CSTF3: variants seen among roughly 807,000 people sequenced by gnomAD.
CSTF3 encodes the protein CF-1 77 kDa subunit.
CSTF3 carries 29 observed loss-of-function variants against 105.8 expected under a neutral mutation model. The ratio of observed to expected loss-of-function variants is 0.27; its 90% CI spans 0.20 to 0.37. CSTF3 has a LOEUF of 0.37. Among genes scored for constraint, CSTF3 ranks in the 10% least tolerant of loss-of-function variants. The pLI, the probability that CSTF3 is intolerant of heterozygous loss-of-function variation, is 1.00. For synonymous variants in CSTF3, 252 were observed against 281.9 expected (o/e 0.89, Z 1.06); for missense variants, 357 against 879.3 (o/e 0.41, Z 7.51).
intron 3 of CSTF3, among the ~76,000 whole-genome samples, chr11:33,128,054 T>C (rs1456364538): frequency 6.6e-6 from 1 of 152,206 alleles, no homozygotes; most frequent in Non-Finnish European, 1.5e-5. Context: ...AAACTGTATG[T>C]CATTGGATAA....
chr11:33,108,070 C>T (rs1286714849), intron 4 of CSTF3, 70 bp from the exon 5 acceptor site: 8 of 926,774 alleles, frequency 8.6e-6, no homozygotes, highest in African/African-American at 3.4e-5. Flanking sequence ...TGAAATGGAA[C>T]ATTAAAAACA....
intron 3 of CSTF3, among the ~76,000 whole-genome samples, chr11:33,121,060 AT>A (rs1358916963): frequency 6.6e-6 from 1 of 152,014 alleles, no homozygotes; most frequent in Non-Finnish European, 1.5e-5. Flanking sequence ...AATCAATTCC[AT>A]TTTCCATTAC....
intron 1 of CSTF3, among the ~76,000 whole-genome samples, chr11:33,152,293 C>A (rs111939881): frequency 2.0e-4 from 31 of 151,992 alleles, no homozygotes; most frequent in African/African-American, 7.2e-4. Flanking sequence ...AAAAACTGGA[C>A]GTATTATTAT....
chr11:33,142,479 T>C (rs1471435670), intron 1 of CSTF3, among the ~76,000 whole-genome samples: 1 of 152,232 alleles, frequency 6.6e-6, no homozygotes, highest in East Asian at 1.9e-4. Context: ...GGGACGATTG[T>C]ATTTGTAATC....
At chr11:33,095,704 C>T (rs1189741000) in intron 15 of CSTF3, among the ~76,000 whole-genome samples, 1 of 151,056 alleles carries the variant, frequency 6.6e-6, no homozygotes, top group Non-Finnish European at 1.5e-5. Flanking sequence ...GCCTGTAGTC[C>T]CAGCTACTCC....
intron 3 of CSTF3, among the ~76,000 whole-genome samples, chr11:33,116,187 A>G (rs1465218471): frequency 1.3e-5 from 2 of 152,196 alleles, no homozygotes; most frequent in Non-Finnish European, 2.9e-5. Context: ...TCCTTGTACT[A>G]ACCATTAGGT....
intron 1 of CSTF3, among the ~76,000 whole-genome samples, chr11:33,160,488 G>T (rs1383915344): frequency 6.6e-6 from 1 of 152,152 alleles, no homozygotes; most frequent in African/African-American, 2.4e-5. Flanking sequence ...CCAGGACTTA[G>T]ATCGAAAAAC....
At chr11:33,121,898 A>G (rs1855493441) in intron 3 of CSTF3, among the ~76,000 whole-genome samples, 1 of 152,206 alleles carries the variant, frequency 6.6e-6, no homozygotes, top group South Asian at 2.1e-4. Flanking sequence ...AAAAGCTGTG[A>G]CATGTAAGAA....
At chr11:33,123,834 CT>C (rs1456181088) in intron 3 of CSTF3, among the ~76,000 whole-genome samples, 4 of 152,004 alleles carry the variant, frequency 2.6e-5, no homozygotes, top group Non-Finnish European at 5.9e-5. Context: ...GGGTAGGTGA[CT>C]TTTCACTGTA....
chr11:33,151,663 G>A (rs1855862219), intron 1 of CSTF3, among the ~76,000 whole-genome samples: 1 of 152,142 alleles, frequency 6.6e-6, no homozygotes, highest in African/African-American at 2.4e-5. Context: ...GAACATTAGT[G>A]TGTAAGATTT....
At chr11:33,108,822 C>T (rs1855351729) in intron 3 of CSTF3, among the ~76,000 whole-genome samples, 1 of 152,150 alleles carries the variant, frequency 6.6e-6, no homozygotes, top group Non-Finnish European at 1.5e-5. Flanking sequence ...ATTTGGACTA[C>T]ATATAAACAT....
chr11:33,122,914 C>CAAAAAAAAAAAAAAAAAAAAAAAA (rs10600978), intron 3 of CSTF3, among the ~76,000 whole-genome samples: 2 of 83,806 alleles, frequency 2.4e-5, no homozygotes, highest in Non-Finnish European at 4.4e-5. Flanking sequence ...TATCCTGTCT[C>CAAAAAAAAAAAAAAAAAAAAAAAA]AAAAAAAAAA....
chr11:33,096,872 T>C lies in CSTF3; in HGVS notation c.1235A>G (p.Tyr412Cys). The C allele has an allele frequency of 6.2e-7, 1 of 1,613,826 alleles. No homozygotes were observed. The highest frequency in any genetic ancestry group is 8.5e-7 in the Non-Finnish European group (1 of 1,179,814). Residue 412 changes from tyrosine to cysteine, a missense_variant, in exon 14 of 21, where the codon TAT (tyrosine) becomes TGT (cysteine). This residue lies in a region of CSTF3 where 206 missense variants were observed against 576.5 expected (regional missense o/e 0.36). Coordinates refer to ENST00000323959, the MANE Select transcript of CSTF3 (RefSeq NM_001326.3). ...REDTRTRHHVYVTAALMEYYC... is the reference protein window; with the variant it reads ...REDTRTRHHVCVTAALMEYYC... ...ATATTCCATGAGTGCTGCAGTAACA[T>C]AGACATGGTGGCGGGTTCTGGTATC...
intron 1 of CSTF3, among the ~76,000 whole-genome samples, chr11:33,160,912 A>G (rs992252513): frequency 6.6e-6 from 1 of 152,214 alleles, no homozygotes; most frequent in African/African-American, 2.4e-5. Context: ...TTCTGGGTAC[A>G]GTATATTTGG....
In CSTF3 at chr11:33,099,779, A is replaced by G; in HGVS notation, c.827-62T>C. 1.9e-6 allele frequency: 2 copies of G among 1,076,782 alleles called. No individual in the cohort carries two copies. The highest frequency in any genetic ancestry group is 2.6e-6 in the Non-Finnish European group (2 of 758,080). The allele number at this position is 1,076,782 out of a possible 1,614,324, so 66.7% of individuals were successfully genotyped here. On this transcript the variant is annotated intron_variant, in intron 10 of 20. Coordinates refer to ENST00000323959, the MANE Select transcript of CSTF3 (RefSeq NM_001326.3). This position sits in a 1 kb window ranked among gnomAD's most constrained non-coding sequence, Gnocchi z 4.1. ...ATAATTATTATTTGTAAAACTATCA[A>G]TGTAAATATCATAACCAAATTAGGC...
chr11:33,120,382 GTTTT>G (rs572124367), intron 3 of CSTF3, among the ~76,000 whole-genome samples: 1 of 151,686 alleles, frequency 6.6e-6, no homozygotes, highest in Non-Finnish European at 1.5e-5. Flanking sequence ...CTCCATTAGA[GTTTT>G]TTTCTTATAA....
chr11:33,129,606 C>T (rs1855578704), intron 3 of CSTF3, among the ~76,000 whole-genome samples: 3 of 152,146 alleles, frequency 2.0e-5, no homozygotes, highest in African/African-American at 7.2e-5. Flanking sequence ...AAATTTCATT[C>T]TACTAAAAGG....
intron 13 of CSTF3, among the ~76,000 whole-genome samples, chr11:33,097,602 C>T (rs990982183): frequency 6.6e-6 from 1 of 152,110 alleles, no homozygotes; most frequent in African/African-American, 2.4e-5. Flanking sequence ...CTCCTGACCT[C>T]GTGATCTGCC....
At chr11:33,142,611 T>C (rs1213513164) in intron 1 of CSTF3, among the ~76,000 whole-genome samples, 1 of 152,174 alleles carries the variant, frequency 6.6e-6, no homozygotes, top group Non-Finnish European at 1.5e-5. Flanking sequence ...TCAGGACCCC[T>C]CTACGCTCTT....
Sources: gnomAD v4.1 joint callset for allele counts (sites outside exome capture counted in the v4.1 genomes callset) on GRCh38, gnomAD v4.1.1 for gene constraint, gnomAD v4.1.1 regional missense constraint, Gnocchi (gnomAD v3.1) non-coding constraint, MANE v1.5 for transcripts, NCBI Gene and HGNC (gene_info 2026-07-23, HGNC 2026-07-21) for gene names.